Variants in IMMP2L observed in about 807,000 individuals in gnomAD.
IMMP2L encodes the protein inner mitochondrial membrane peptidase subunit 2.
Under a neutral mutation model 19.3 loss-of-function variants are expected in IMMP2L, and 18 were observed. The ratio of observed to expected loss-of-function variants is 0.93; its 90% CI spans 0.64 to 1.38. The LOEUF (loss-of-function observed/expected upper bound fraction) is 1.38, where lower values mean the gene tolerates loss of function less well. IMMP2L is among the 40% of genes most tolerant of loss of function. The pLI is 0.00. For synonymous variants in IMMP2L, 76 were observed against 73.0 expected (o/e 1.04, Z -0.21); for missense variants, 233 against 218.2 (o/e 1.07, Z -0.43).
intron 5 of IMMP2L, among the ~76,000 whole-genome samples, chr7:110,855,544 T>C (rs1806672918): frequency 6.6e-6 from 1 of 152,026 alleles, no homozygotes; most frequent in African/African-American, 2.4e-5. Flanking sequence ...GATTCTATGC[T>C]AGAAACCATT....
At chr7:111,538,536 A>C (rs775030713) in intron 1 of IMMP2L, among the ~76,000 whole-genome samples, 10 of 151,536 alleles carry the variant, frequency 6.6e-5, no homozygotes, top group Non-Finnish European at 1.0e-4. Flanking sequence ...ACAGTGGTTC[A>C]TGCCTGTAAT....
chr7:110,742,409 A>C (rs1797044364), intron 5 of IMMP2L, among the ~76,000 whole-genome samples: 1 of 152,182 alleles, frequency 6.6e-6, no homozygotes. Flanking sequence ...TATTAGAAAC[A>C]GGCAAAAATG....
At chr7:111,187,217 G>A (rs995631657) in intron 3 of IMMP2L, among the ~76,000 whole-genome samples, 1 of 152,052 alleles carries the variant, frequency 6.6e-6, no homozygotes, top group Non-Finnish European at 1.5e-5. Flanking sequence ...AGAAAATTAG[G>A]CCCTTCCCTT....
Position 111,196,257 on chromosome 7 carries a change from T to C in IMMP2L, c.240-232692A>G, listed in dbSNP as rs572730453. Among the ~76,000 whole-genome samples, 4 of 152,342 alleles carry C rather than the reference T, an allele frequency of 2.6e-5. No homozygotes were observed. The South Asian group carries it at 8.3e-4, about 32-fold the overall frequency. On this transcript the variant is annotated intron_variant, in intron 3 of 5. Transcript: ENST00000405709. ...CTTGGAATAATGTGAAAGATTATAT[T>C]GTTCCCTAAAAGGAACAAAATGCTT...
chr7:111,113,854 C>T (rs780948715), intron 3 of IMMP2L, among the ~76,000 whole-genome samples: 2 of 152,134 alleles, frequency 1.3e-5, no homozygotes, highest in African/African-American at 4.8e-5. Flanking sequence ...TACTACCACA[C>T]TAACTTCTCA....
At chr7:110,917,817 T>G (rs1014218681) in intron 4 of IMMP2L, among the ~76,000 whole-genome samples, 8 of 152,182 alleles carry the variant, frequency 5.3e-5, no homozygotes, top group Non-Finnish European at 1.2e-4. Context: ...AAAAAGAAGC[T>G]GATAAATTCC....
chr7:111,196,468 T>C (rs1248406321), intron 3 of IMMP2L, among the ~76,000 whole-genome samples: 1 of 152,182 alleles, frequency 6.6e-6, no homozygotes, highest in Non-Finnish European at 1.5e-5. Context: ...TTACAATCAT[T>C]GTAAATTAGG....
chr7:111,213,623 C>A lies in IMMP2L; in HGVS notation c.240-250058G>T, dbSNP rs1229484753. ...CCTCCCCTCTGAGGCCCACAAGAACCCCAGACTCACCCAGACTCAAGAAAT... is the reference window on the plus strand; with the variant it reads ...CCTCCCCTCTGAGGCCCACAAGAACACCAGACTCACCCAGACTCAAGAAAT... On this transcript the variant is annotated intron_variant, in intron 3 of 5. Coordinates refer to ENST00000405709, the MANE Select transcript of IMMP2L (RefSeq NM_032549.4). This position sits in a 1 kb window ranked among gnomAD's most constrained non-coding sequence, Gnocchi z 4.8. 6.6e-6 allele frequency among the ~76,000 whole-genome samples: 1 copy of A among 152,140 alleles called. No individual in the cohort carries two copies. Among genetic ancestry groups the A allele is most frequent in the Non-Finnish European group, 1.5e-5 (1 of 68,010 alleles).
rs968450122 is a variant in IMMP2L at position 110,847,665 on chromosome 7, GCTA to G, written c.408+38925_408+38927del. Among the ~76,000 whole-genome samples the G allele has an allele frequency of 8.5e-5, 13 of 152,100 alleles. 1 individual carries two copies. Among genetic ancestry groups the G allele is most frequent in the Non-Finnish European group, 1.5e-5 (1 of 68,010 alleles). On this transcript the variant is annotated intron_variant, in intron 5 of 5. Coordinates refer to ENST00000405709, the MANE Select transcript of IMMP2L (RefSeq NM_032549.4). ...AGGACTGACATTAGCTGATTTTAAA[GCTA>G]CAGTAATCAAAACAGCATGTTATTA...
intron 5 of IMMP2L, among the ~76,000 whole-genome samples, chr7:110,776,923 C>G (rs1424507036): frequency 1.3e-5 from 2 of 151,862 alleles, no homozygotes; most frequent in Non-Finnish European, 2.9e-5. Flanking sequence ...TTGTCTTCCC[C>G]ACTGATTTTG....
chr7:111,391,830 G>T (rs1409695342), intron 3 of IMMP2L: 2 of 701,730 alleles, frequency 2.9e-6, no homozygotes. Flanking sequence ...ATGACAACAC[G>T]ACCATACCTC....
intron 3 of IMMP2L, among the ~76,000 whole-genome samples, chr7:111,363,819 A>AT (rs1056370887): frequency 5.3e-5 from 8 of 151,680 alleles, no homozygotes; most frequent in Non-Finnish European, 1.0e-4. Context: ...ACCACCTCCC[A>AT]TTTTCTCCTG....
intron 3 of IMMP2L, among the ~76,000 whole-genome samples, chr7:111,252,585 C>A (rs1230815745): frequency 6.6e-6 from 1 of 152,084 alleles, no homozygotes; most frequent in African/African-American, 2.4e-5. Context: ...AAAAAGAATA[C>A]CAGCCTCTGA....
intron 4 of IMMP2L, among the ~76,000 whole-genome samples, chr7:110,903,775 A>C (rs962601501): frequency 2.5e-4 from 36 of 146,806 alleles, no homozygotes; most frequent in Admixed American, 4.0e-4. Context: ...CTCTGTTTTC[A>C]CTTTTTTTTT....
chr7:110,853,424 G>C (rs1262892960), intron 5 of IMMP2L, among the ~76,000 whole-genome samples: 1 of 152,026 alleles, frequency 6.6e-6, no homozygotes, highest in Non-Finnish European at 1.5e-5. Flanking sequence ...TCTATAGAGA[G>C]TAGGCACTGA....
intron 1 of IMMP2L, among the ~76,000 whole-genome samples, chr7:111,559,552 C>T (rs1791770936): frequency 6.6e-6 from 1 of 152,028 alleles, no homozygotes. Context: ...GGTGTCAGTC[C>T]TCGTCCCAGA....
At chr7:111,127,536 G>C (rs1801437573) in intron 3 of IMMP2L, among the ~76,000 whole-genome samples, 1 of 152,102 alleles carries the variant, frequency 6.6e-6, no homozygotes, top group African/African-American at 2.4e-5. Context: ...TGAACCTACT[G>C]ATTTGCTTAA....
At position 111,132,081 on chromosome 7, in the gene IMMP2L, C is replaced by T. The variant is rs905106738; in HGVS notation, c.240-168516G>A. ...TTTTATAATATTCCTATCTCAGTTT[C>T]GCATCAGAAAATGGGGATAAAGAGT... On this transcript the variant is annotated intron_variant, in intron 3 of 5. Coordinates refer to ENST00000405709, the MANE Select transcript of IMMP2L (RefSeq NM_032549.4). 5.3e-5 allele frequency among the ~76,000 whole-genome samples: 8 copies of T among 151,794 alleles called. No individual in the cohort carries two copies. The East Asian group carries it at 7.7e-4, about 15-fold the overall frequency.
At chr7:111,197,013 T>G (rs1411344598) in intron 3 of IMMP2L, among the ~76,000 whole-genome samples, 1 of 152,168 alleles carries the variant, frequency 6.6e-6, no homozygotes, top group Non-Finnish European at 1.5e-5. Context: ...TTCCCTAAAC[T>G]TCCACGAACT....
Sources: allele counts gnomAD v4.1 joint callset (sites outside exome capture counted in the v4.1 genomes callset), GRCh38; gene constraint gnomAD v4.1.1; non-coding constraint Gnocchi (gnomAD v3.1); transcripts MANE v1.5; gene names NCBI Gene and HGNC (gene_info 2026-07-23, HGNC 2026-07-21).